Variants in MCTP2 observed in about 807,000 individuals in gnomAD.
MCTP2 encodes multiple C2 and transmembrane domain-containing protein 2.
Under a neutral mutation model 111.6 loss-of-function variants are expected in MCTP2, and 132 were observed. That is an observed-to-expected ratio of 1.18 (90% CI 1.03 to 1.37). The LOEUF (loss-of-function observed/expected upper bound fraction) is 1.37, where lower values mean the gene tolerates loss of function less well. MCTP2 is among the 40% of genes most tolerant of loss of function. MCTP2 has a pLI of 0.00. For missense variants in MCTP2, 1,183 were observed against 1,067.9 expected, an observed-to-expected ratio of 1.11 and a Z score of -1.50; for synonymous variants, 395 against 387.7, an observed-to-expected ratio of 1.02 and a Z score of -0.22.
intron 17 of MCTP2, among the ~76,000 whole-genome samples, chr15:94,418,749 A>G (rs1261197948): frequency 1.3e-5 from 2 of 152,122 alleles, no homozygotes; most frequent in Non-Finnish European, 2.9e-5. Context: ...CATGATGTAA[A>G]CATTAAAGGG....
At chr15:94,359,396 G>A (rs1189100145) in intron 10 of MCTP2, among the ~76,000 whole-genome samples, 1 of 152,156 alleles carries the variant, frequency 6.6e-6, no homozygotes, top group Non-Finnish European at 1.5e-5. Context: ...CAAATCACTT[G>A]CCTTGTGTTC....
In MCTP2 at chr15:94,315,579, G is replaced by A. The variant is rs146431277; in HGVS notation, c.579G>A (p.Ala193=). 3.6e-4 allele frequency: 575 copies of A among 1,614,102 alleles called. 6 individuals carry two copies. The African/African-American group carries it at 5.7e-3, about 16-fold the overall frequency. Residue 193 remains alanine (A), a synonymous_variant, in exon 4 of 23, where the codon GCG becomes GCA. Coordinates refer to ENST00000357742, the MANE Select transcript of MCTP2 (RefSeq NM_001385001.1). The stretch of plus-strand genomic sequence containing the variant: ...TGAGTAACCTCCCCAGCCCTTTTGC[G>A]TACCTCCTCACCATACACCTGAAGG... ...DGLSNLPSPF[A]YLLTIHLKEG... is the part of the protein sequence containing the mutation.
At chr15:94,370,023 C>A in intron 11 of MCTP2, 64 bp from the exon 12 acceptor site, 1 of 1,102,588 alleles carries the variant, frequency 9.1e-7, no homozygotes, top group Admixed American at 2.4e-5. Flanking sequence ...TCCTATAGGA[C>A]TTTATGACAT....
intron 1 of MCTP2, among the ~76,000 whole-genome samples, chr15:94,269,942 A>G (rs2073818205): frequency 6.6e-6 from 1 of 152,130 alleles, no homozygotes; most frequent in African/African-American, 2.4e-5. Context: ...TCACTTATCC[A>G]TCTATATTGT....
chr15:94,408,579 C>T (rs1694822885), intron 17 of MCTP2, among the ~76,000 whole-genome samples: 1 of 151,998 alleles, frequency 6.6e-6, no homozygotes, highest in South Asian at 2.1e-4. Context: ...ATAATTGCAC[C>T]TTCTATTGGC....
chr15:94,237,397 A>G (rs1205726379), intron 1 of MCTP2, among the ~76,000 whole-genome samples: 1 of 151,904 alleles, frequency 6.6e-6, no homozygotes. Context: ...TGGAAAAGCA[A>G]ACAAGGGCCA....
At chr15:94,464,254 A>AT (rs1207148486) in intron 20 of MCTP2, among the ~76,000 whole-genome samples, 622 of 56,684 alleles carry the variant, frequency 0.011, 17 homozygotes, top group African/African-American at 0.038. Flanking sequence ...ATATATATAT[A>AT]TATTATATAT....
At chr15:94,477,177 A>G (rs929289433) in intron 22 of MCTP2, among the ~76,000 whole-genome samples, 1 of 151,980 alleles carries the variant, frequency 6.6e-6, no homozygotes, top group African/African-American at 2.4e-5. Context: ...ATTTTAGGGG[A>G]AGTAGGGGAC....
intron 1 of MCTP2, among the ~76,000 whole-genome samples, chr15:94,265,782 C>T (rs1395406251): frequency 6.6e-6 from 1 of 152,032 alleles, no homozygotes; most frequent in African/African-American, 2.4e-5. Flanking sequence ...AGTATATAAA[C>T]ATTTGAAAAC....
chr15:94,400,988 C>T (rs2081558688), intron 16 of MCTP2, among the ~76,000 whole-genome samples: 1 of 151,944 alleles, frequency 6.6e-6, no homozygotes, highest in South Asian at 2.1e-4. Flanking sequence ...GTTATTATTG[C>T]CTTTTGCTCT....
At chr15:94,390,106 A>ATG (rs1567603348) in intron 14 of MCTP2, among the ~76,000 whole-genome samples, 352 of 29,904 alleles carry the variant, frequency 0.012, 8 homozygotes, top group African/African-American at 0.029. Flanking sequence ...ATATATATAT[A>ATG]TATATATGTA....
At chr15:94,420,418 G>A (rs932618944) in intron 17 of MCTP2, among the ~76,000 whole-genome samples, 1 of 152,064 alleles carries the variant, frequency 6.6e-6, no homozygotes, top group Admixed American at 6.6e-5. Flanking sequence ...CATTGATTGT[G>A]AATTTTTCTG....
intron 1 of MCTP2, among the ~76,000 whole-genome samples, chr15:94,285,080 G>A (rs1388723158): frequency 6.6e-6 from 1 of 152,068 alleles, no homozygotes; most frequent in Non-Finnish European, 1.5e-5. Flanking sequence ...GGAATAGCAG[G>A]GAAAAAATAA....
chr15:94,368,859 G>C (rs1003377032), intron 11 of MCTP2, among the ~76,000 whole-genome samples: 3 of 152,212 alleles, frequency 2.0e-5, no homozygotes, highest in Non-Finnish European at 4.4e-5. Context: ...CATAATGCCT[G>C]CTTTGAATAA....
At chr15:94,454,591 C>CTCTT (rs1177669065) in intron 19 of MCTP2, among the ~76,000 whole-genome samples, 1 of 123,904 alleles carries the variant, frequency 8.1e-6, no homozygotes, top group Non-Finnish European at 1.7e-5. Flanking sequence ...CAAAATTGGA[C>CTCTT]TCTTTTGTGG....
chr15:94,259,801 C>T (rs539352179), intron 1 of MCTP2, among the ~76,000 whole-genome samples: 2 of 152,288 alleles, frequency 1.3e-5, no homozygotes, highest in Admixed American at 1.3e-4. Flanking sequence ...GACATGATCG[C>T]TTGTAAAGGC....
intron 1 of MCTP2, among the ~76,000 whole-genome samples, chr15:94,295,125 T>A (rs2075211366): frequency 6.6e-6 from 1 of 151,876 alleles, no homozygotes; most frequent in African/African-American, 2.4e-5. Flanking sequence ...ATTATTTATA[T>A]TTTTAGTAGA....
In MCTP2 at chr15:94,365,282, C is replaced by G. The variant is rs191634280; in HGVS notation, c.1302-2323C>G. Reference sequence around the variant, plus strand: ...GACTGTAAAATCCATTAAGCTGCTGCCTAAATCTTCAACCTGTTGCTCAAA... The same window carrying G: ...GACTGTAAAATCCATTAAGCTGCTGGCTAAATCTTCAACCTGTTGCTCAAA... On this transcript the variant is annotated intron_variant, in intron 10 of 22. Transcript: ENST00000357742. Among the ~76,000 whole-genome samples, 72 of 152,284 alleles carry G rather than the reference C, an allele frequency of 4.7e-4. 1 individual carries two copies. The highest frequency in any genetic ancestry group is 1.6e-3 in the African/African-American group (66 of 41,576).
At chr15:94,338,367 G>A (rs990945056) in intron 4 of MCTP2, among the ~76,000 whole-genome samples, 2 of 151,958 alleles carry the variant, frequency 1.3e-5, no homozygotes, top group African/African-American at 2.4e-5. Flanking sequence ...ATTCATTTGT[G>A]CCTCCTCCTT....
Sources: gnomAD v4.1 joint callset for allele counts (sites outside exome capture counted in the v4.1 genomes callset) on GRCh38, gnomAD v4.1.1 for gene constraint, MANE v1.5 for transcripts, NCBI Gene and HGNC (gene_info 2026-07-23, HGNC 2026-07-21) for gene names.